Variants in FAM193A observed in about 807,000 individuals in gnomAD.
The protein encoded by FAM193A is family with sequence similarity 193 member A.
Under a neutral mutation model 126.5 loss-of-function variants are expected in FAM193A, and 22 were observed. The ratio of observed to expected loss-of-function variants is 0.17; its 90% confidence interval spans 0.12 to 0.25. The LOEUF (loss-of-function observed/expected upper bound fraction) is 0.25. Among genes scored for constraint, FAM193A ranks in the 10% least tolerant of loss-of-function variants. The pLI, the probability that FAM193A is intolerant of heterozygous loss-of-function variation, is 1.00. For missense variants in FAM193A, 1,675 were observed against 1,672.8 expected, an observed-to-expected ratio of 1.00 and a Z score of -0.02; for synonymous variants, 761 against 646.8, an observed-to-expected ratio of 1.18 and a Z score of -2.68.
intron 18 of FAM193A, among the ~76,000 whole-genome samples, chr4:2,699,447 CA>C (rs149886592): frequency 0.15 from 8,424 of 55,628 alleles, 1,187 homozygotes; most frequent in Middle Eastern, 0.25. Flanking sequence ...CCCCCCCCCC[CA>C]CACACACACA....
chr4:2,540,203 C>T (rs1737144253), intron 1 of FAM193A, among the ~76,000 whole-genome samples: 1 of 151,940 alleles, frequency 6.6e-6, no homozygotes, highest in African/African-American at 2.4e-5. Flanking sequence ...GGCGCAGTGG[C>T]TCACGCCTGT....
At chr4:2,715,638 G>A (rs898946003) in intron 19 of FAM193A, 10 of 442,528 alleles carry the variant, frequency 2.3e-5, no homozygotes, top group Non-Finnish European at 3.3e-5. Flanking sequence ...TGCTCTGCCT[G>A]ACTCCAACGG....
intron 13 of FAM193A, among the ~76,000 whole-genome samples, chr4:2,685,757 C>T (rs115664217): frequency 0.017 from 2,579 of 152,272 alleles, 56 homozygotes; most frequent in African/African-American, 0.049. Context: ...GTTCCATGTC[C>T]GAGTGGGTGT....
intron 13 of FAM193A, among the ~76,000 whole-genome samples, chr4:2,675,522 C>T (rs537524111): frequency 1.3e-5 from 2 of 152,314 alleles, no homozygotes; most frequent in East Asian, 3.9e-4. Context: ...CTGGTAACTT[C>T]CCTTGCTCTA....
chr4:2,630,798 G>T, intron 4 of FAM193A, 137 bp from the exon 5 acceptor site: 2 of 595,566 alleles, frequency 3.4e-6, no homozygotes, highest in South Asian at 2.0e-5. Flanking sequence ...GCTTCTCACA[G>T]GTGGTTATGA....
chr4:2,695,717 G>C (rs1053416558), intron 17 of FAM193A, among the ~76,000 whole-genome samples: 6 of 152,164 alleles, frequency 3.9e-5, no homozygotes, highest in African/African-American at 1.4e-4. Context: ...CCCACAAATG[G>C]ATGGAAAGAT....
chr4:2,627,193 C>G (rs77789764), intron 4 of FAM193A, among the ~76,000 whole-genome samples: 1,339 of 131,218 alleles, frequency 0.01, 20 homozygotes, highest in African/African-American at 0.037. Flanking sequence ...TGGAGTCTTG[C>G]TCTGTCAGCC....
intron 19 of FAM193A, among the ~76,000 whole-genome samples, chr4:2,703,701 C>G (rs951718489): frequency 6.6e-6 from 1 of 151,744 alleles, no homozygotes; most frequent in East Asian, 1.9e-4. Context: ...TGGTGGCTCA[C>G]GCCTGTAATC....
intron 1 of FAM193A, among the ~76,000 whole-genome samples, chr4:2,542,032 T>C (rs1259306134): frequency 2.6e-5 from 4 of 151,366 alleles, no homozygotes; most frequent in African/African-American, 4.9e-5. Context: ...TTTTTTTTTT[T>C]CAAGACAGAG....
Position 2,607,727 on chromosome 4 carries a change from G to T in FAM193A, c.501+11398G>T, listed in dbSNP as rs371565410. On this transcript the variant is annotated intron_variant, in intron 2 of 20. Transcript: ENST00000637812. ...AGGCTTATAGCATGGCCTTACCCTCGCTGCGGCTCTAGGCTATGCTGGACC... is the reference window on the plus strand; with the variant it reads ...AGGCTTATAGCATGGCCTTACCCTCTCTGCGGCTCTAGGCTATGCTGGACC... 1.2e-5 allele frequency: 4 copies of T among 344,308 alleles called. No individual in the cohort carries two copies. In the South Asian group the frequency reaches 1.7e-4, roughly 15 times the overall value. 21.3% of individuals were successfully genotyped at this position (344,308 alleles called of 1,614,324 possible). A position where few individuals can be genotyped will look rare whatever the true frequency, so the allele number is the denominator to read the frequency against.
At chr4:2,649,622 TGATCATGC>T (rs1327120705) in intron 7 of FAM193A, among the ~76,000 whole-genome samples, 1 of 152,126 alleles carries the variant, frequency 6.6e-6, no homozygotes, top group Non-Finnish European at 1.5e-5. Flanking sequence ...TGGTGAGCTA[TGATCATGC>T]CACCACACTC....
chr4:2,725,827 T>G (rs1720680799), intron 20 of FAM193A, among the ~76,000 whole-genome samples: 1 of 151,986 alleles, frequency 6.6e-6, no homozygotes, highest in African/African-American at 2.4e-5. Flanking sequence ...TCCTCCCACC[T>G]CAGCCTCCTG....
chr4:2,638,833 C>T (rs1372372635), intron 5 of FAM193A, among the ~76,000 whole-genome samples: 1 of 152,220 alleles, frequency 6.6e-6, no homozygotes, highest in Non-Finnish European at 1.5e-5. Context: ...ATCAACTCAG[C>T]TTGGCTATAT....
intron 1 of FAM193A, among the ~76,000 whole-genome samples, chr4:2,587,054 A>G (rs1357706330): frequency 6.6e-6 from 1 of 152,214 alleles, no homozygotes; most frequent in Non-Finnish European, 1.5e-5. Flanking sequence ...TTTATGTGAA[A>G]TTAAACTTCT....
chr4:2,558,955 G>A (rs915979211), intron 1 of FAM193A, among the ~76,000 whole-genome samples: 5 of 152,152 alleles, frequency 3.3e-5, no homozygotes, highest in African/African-American at 9.7e-5. Flanking sequence ...AACTGTGATC[G>A]TGCCACTGCA....
chr4:2,649,690 A>G (rs1162661541), intron 7 of FAM193A, among the ~76,000 whole-genome samples: 1 of 152,144 alleles, frequency 6.6e-6, no homozygotes, highest in Non-Finnish European at 1.5e-5. Context: ...AAAAATATAT[A>G]GGCATAGGGA....
intron 17 of FAM193A, 128 bp downstream of exon 17, chr4:2,695,257 CAAAG>C (rs1159562591): frequency 5.3e-5 from 38 of 717,294 alleles, no homozygotes; most frequent in Non-Finnish European, 6.8e-5. Context: ...TGTAAAGAAA[CAAAG>C]AAAAATATAT....
chr4:2,557,261 G>A (rs963048885), intron 1 of FAM193A, among the ~76,000 whole-genome samples: 4 of 152,244 alleles, frequency 2.6e-5, no homozygotes, highest in South Asian at 2.1e-4. Context: ...AACCACAGTT[G>A]ATCACAGGTA....
chr4:2,640,332 T>G (rs1744488941), intron 6 of FAM193A, among the ~76,000 whole-genome samples: 1 of 152,066 alleles, frequency 6.6e-6, no homozygotes, highest in Non-Finnish European at 1.5e-5. Flanking sequence ...CCATGTGGCT[T>G]CTTCACGCTT....
Sources: gnomAD v4.1 joint callset for allele counts (sites outside exome capture counted in the v4.1 genomes callset) on GRCh38, gnomAD v4.1.1 for gene constraint, MANE v1.5 for transcripts, NCBI Gene and HGNC (gene_info 2026-07-23, HGNC 2026-07-21) for gene names.